GALNT13: variants seen among roughly 807,000 people sequenced by gnomAD.
GALNT13 encodes UDP-GalNAc:polypeptide N-acetylgalactosaminyltransferase 13.
Under a neutral mutation model 64.2 loss-of-function variants are expected in GALNT13, and 28 were observed. That is an observed-to-expected ratio of 0.44 (90% CI 0.32 to 0.60). GALNT13 has a LOEUF of 0.60. GALNT13 is among the 20% of genes least tolerant of loss of function. The pLI, the probability that GALNT13 is intolerant of heterozygous loss-of-function variation, is 0.05. For missense variants in GALNT13, 577 were observed against 669.8 expected, an observed-to-expected ratio of 0.86 and a Z score of 1.53; for synonymous variants, 214 against 224.6, an observed-to-expected ratio of 0.95 and a Z score of 0.42.
At chr2:153,638,030 T>C in the GALNT13 span, among the ~76,000 whole-genome samples, 1 of 152,086 alleles carries the variant, frequency 6.6e-6, no homozygotes, top group Admixed American at 6.6e-5. Context: ...CAAGGAGGTC[T>C]CACTTATTTC....
intron 4 of GALNT13, among the ~76,000 whole-genome samples, chr2:154,228,076 T>C (rs146684814): frequency 2.4e-4 from 36 of 152,110 alleles, no homozygotes; most frequent in Non-Finnish European, 5.9e-5. Context: ...ATTTGATGAA[T>C]CCAATTTTTC....
At chr2:153,833,758 T>C in the GALNT13 span, among the ~76,000 whole-genome samples, 1 of 152,088 alleles carries the variant, frequency 6.6e-6, no homozygotes, top group Non-Finnish European at 1.5e-5. Flanking sequence ...ATAGATTGAA[T>C]ATTGCCAACC....
the GALNT13 span, among the ~76,000 whole-genome samples, chr2:153,541,804 T>C: frequency 1.8e-3 from 279 of 152,316 alleles, no homozygotes; most frequent in African/African-American, 6.3e-3. Flanking sequence ...CAGTTGCCCA[T>C]AGTTTGTTGA....
chr2:153,389,973 A>G, the GALNT13 span, among the ~76,000 whole-genome samples: 5 of 152,174 alleles, frequency 3.3e-5, no homozygotes, highest in Non-Finnish European at 4.4e-5. Context: ...ATATACCCAA[A>G]GGATTATAAA....
chr2:153,804,615 G>A, the GALNT13 span, among the ~76,000 whole-genome samples: 3,069 of 152,162 alleles, frequency 0.02, 114 homozygotes, highest in African/African-American at 0.07. Context: ...AAAAGGAAGA[G>A]TGCATTTATT....
chr2:153,773,275 C>T, the GALNT13 span, among the ~76,000 whole-genome samples: 3 of 152,224 alleles, frequency 2.0e-5, no homozygotes, highest in Non-Finnish European at 4.4e-5. Flanking sequence ...GCTTCCCTAC[C>T]TAGGTCGGGT....
intron 4 of GALNT13, among the ~76,000 whole-genome samples, chr2:154,163,127 C>G (rs1454431877): frequency 2.0e-5 from 2 of 99,328 alleles, no homozygotes; most frequent in African/African-American, 3.9e-5. Context: ...TGCTATCCCT[C>G]CCCCCTCCCC....
the GALNT13 span, among the ~76,000 whole-genome samples, chr2:153,253,134 C>T: frequency 6.6e-5 from 10 of 151,636 alleles, no homozygotes; most frequent in East Asian, 1.9e-3. Flanking sequence ...TTTGTATCCT[C>T]TTATTTCCTT....
chr2:153,506,810 A>G, the GALNT13 span, among the ~76,000 whole-genome samples: 1 of 152,170 alleles, frequency 6.6e-6, no homozygotes, highest in African/African-American at 2.4e-5. Flanking sequence ...CCTGATGACT[A>G]TGTGCCTAGG....
At chr2:153,271,840 G>A in the GALNT13 span, among the ~76,000 whole-genome samples, 1 of 152,142 alleles carries the variant, frequency 6.6e-6, no homozygotes, top group African/African-American at 2.4e-5. Context: ...CAAAGCTGGA[G>A]GCATTATGCT....
At chr2:154,133,550 A>G (rs1316110595) in intron 3 of GALNT13, among the ~76,000 whole-genome samples, 3 of 23,640 alleles carry the variant, frequency 1.3e-4, no homozygotes, top group African/African-American at 3.2e-4. Context: ...ATATATATAT[A>G]TATATATATA....
chr2:153,725,484 A>AT, the GALNT13 span, among the ~76,000 whole-genome samples: 1 of 148,718 alleles, frequency 6.7e-6, no homozygotes, highest in Non-Finnish European at 1.5e-5. Context: ...AATAGTAATA[A>AT]TAAAAAAAAA....
chr2:153,864,368 G>T, the GALNT13 span, among the ~76,000 whole-genome samples: 1 of 152,168 alleles, frequency 6.6e-6, no homozygotes. Flanking sequence ...TTAAAGGAAA[G>T]ATTTAACTGT....
At position 154,242,007 on chromosome 2, in the gene GALNT13, C is replaced by A. The variant is rs764391150; in HGVS notation, c.312-23C>A. 4.0e-6 allele frequency: 6 copies of A among 1,493,260 alleles called. No individual in the cohort carries two copies. In the East Asian group the frequency reaches 1.2e-4, roughly 29 times the overall value. 92.5% of individuals were successfully genotyped at this position (1,493,260 alleles called of 1,614,324 possible). On this transcript the variant is annotated intron_variant, in intron 4 of 12. Coordinates refer to ENST00000392825, the MANE Select transcript of GALNT13 (RefSeq NM_052917.4). ...GGATAAAAAATGCATTTATTAAGATCCCTCTTCTTTTCTCTTTTTCAGATG... is the reference window on the plus strand; with the variant it reads ...GGATAAAAAATGCATTTATTAAGATACCTCTTCTTTTCTCTTTTTCAGATG...
the GALNT13 span, among the ~76,000 whole-genome samples, chr2:153,729,377 A>T: frequency 6.6e-6 from 1 of 152,126 alleles, no homozygotes; most frequent in East Asian, 1.9e-4. Context: ...TACGTTAACA[A>T]ACACAGGCTT....
chr2:153,197,234 G>C, the GALNT13 span, among the ~76,000 whole-genome samples: 5 of 152,252 alleles, frequency 3.3e-5, no homozygotes, highest in African/African-American at 1.2e-4. Context: ...TAGGCTCTCT[G>C]TTGATATGCA....
chr2:154,176,156 C>T (rs559804705), intron 4 of GALNT13, among the ~76,000 whole-genome samples: 8 of 151,908 alleles, frequency 5.3e-5, no homozygotes, highest in South Asian at 2.1e-4. Context: ...CTAGAATTTC[C>T]GGTTCTTTGT....
chr2:153,308,302 T>G, the GALNT13 span, among the ~76,000 whole-genome samples: 1 of 152,200 alleles, frequency 6.6e-6, no homozygotes, highest in Admixed American at 6.5e-5. Context: ...TCCAAAGAAT[T>G]TAACCTGACC....
At chr2:154,454,825 A>C (rs945593190), downstream of GALNT13, among the ~76,000 whole-genome samples, 2 of 152,196 alleles carry the variant, frequency 1.3e-5, no homozygotes, top group African/African-American at 2.4e-5. Context: ...ACTGGGTTTC[A>C]GGGAAGCAAA....
Sources: gnomAD v4.1 joint callset for allele counts (sites outside exome capture counted in the v4.1 genomes callset) on GRCh38, gnomAD v4.1.1 for gene constraint, MANE v1.5 for transcripts, NCBI Gene and HGNC (gene_info 2026-07-23, HGNC 2026-07-21) for gene names.